ZBTB7C: variants seen among roughly 807,000 people sequenced by gnomAD.
ZBTB7C encodes the protein zinc finger and BTB domain-containing protein 7C.
ZBTB7C carries 8 observed loss-of-function variants against 25.7 expected under a neutral mutation model. That is an observed-to-expected ratio of 0.31 (90% CI 0.18 to 0.56). ZBTB7C has a LOEUF of 0.56. Ranked by LOEUF, ZBTB7C falls within the 20% of genes least tolerant of loss-of-function variation. The probability of loss-of-function intolerance (pLI) is 0.91; values close to 1 mark genes in which losing one functional copy is unlikely to be tolerated. For missense variants in ZBTB7C, 824 were observed against 855.2 expected (o/e 0.96, Z 0.46); for synonymous variants, 394 against 369.0 (o/e 1.07, Z -0.78).
At chr18:48,409,611 C>T (rs1431771843), upstream of ZBTB7C, among the ~76,000 whole-genome samples, 1 of 151,226 alleles carries the variant, frequency 6.6e-6, no homozygotes, top group African/African-American at 2.4e-5. Context: ...GCACTTGCTG[C>T]GCCGCAGCCC....
chr18:48,194,609 C>G (rs1009130177), intron 2 of ZBTB7C, among the ~76,000 whole-genome samples: 1 of 152,056 alleles, frequency 6.6e-6, no homozygotes, highest in Non-Finnish European at 1.5e-5. Flanking sequence ...GGGTGAAGGG[C>G]AGTCTAGACA....
At chr18:48,167,592 G>C (rs933462453) in intron 3 of ZBTB7C, among the ~76,000 whole-genome samples, 2 of 150,846 alleles carry the variant, frequency 1.3e-5, no homozygotes, top group African/African-American at 4.9e-5. Context: ...GTGTGTGTGT[G>C]TGTGTGCGCG....
At chr18:48,174,526 A>G (rs777620782) in intron 3 of ZBTB7C, among the ~76,000 whole-genome samples, 2 of 152,242 alleles carry the variant, frequency 1.3e-5, no homozygotes, top group Non-Finnish European at 2.9e-5. Flanking sequence ...ACAAAACTAC[A>G]TCCTCTTCAA....
At chr18:48,152,460 T>C (rs1040762898) in intron 3 of ZBTB7C, among the ~76,000 whole-genome samples, 2 of 152,198 alleles carry the variant, frequency 1.3e-5, no homozygotes, top group Non-Finnish European at 2.9e-5. Flanking sequence ...AGATAGATGA[T>C]TGATGGACAG....
intron 2 of ZBTB7C, among the ~76,000 whole-genome samples, chr18:48,211,800 C>T (rs979508348): frequency 6.6e-6 from 1 of 152,130 alleles, no homozygotes; most frequent in Non-Finnish European, 1.5e-5. Context: ...TAAAACTTAA[C>T]ATAATCTTAC....
chr18:48,190,239 G>A (rs1032410949), intron 2 of ZBTB7C, among the ~76,000 whole-genome samples: 1 of 152,184 alleles, frequency 6.6e-6, no homozygotes, highest in Non-Finnish European at 1.5e-5. Context: ...AAGACTAAGT[G>A]TGAATCAAGA....
chr18:48,398,386 G>A (rs1483569792), intron 1 of ZBTB7C, among the ~76,000 whole-genome samples: 1 of 152,190 alleles, frequency 6.6e-6, no homozygotes, highest in African/African-American at 2.4e-5. Context: ...GCCCTTTGGA[G>A]GACCCTGCAT....
intron 3 of ZBTB7C, among the ~76,000 whole-genome samples, chr18:48,131,303 C>T (rs1343689998): frequency 6.6e-6 from 1 of 152,218 alleles, no homozygotes; most frequent in Non-Finnish European, 1.5e-5. Context: ...CCATTCATAG[C>T]AGAGCATAGT....
At chr18:48,138,577 C>T (rs565049528) in intron 3 of ZBTB7C, among the ~76,000 whole-genome samples, 1 of 152,116 alleles carries the variant, frequency 6.6e-6, no homozygotes, top group Non-Finnish European at 1.5e-5. Context: ...GAGAGAGAGG[C>T]TGGGCAGCCA....
At chr18:48,053,148 T>C (rs1246073462) in intron 3 of ZBTB7C, among the ~76,000 whole-genome samples, 3 of 152,184 alleles carry the variant, frequency 2.0e-5, no homozygotes, top group Admixed American at 2.0e-4. Context: ...GCTTGATGCG[T>C]CCCTTCCGCC....
At chr18:48,106,741 G>A (rs1028586593) in intron 3 of ZBTB7C, among the ~76,000 whole-genome samples, 2 of 152,042 alleles carry the variant, frequency 1.3e-5, no homozygotes, top group African/African-American at 4.8e-5. Context: ...TGTGAACATG[G>A]GTATTTGGCT....
chr18:48,048,663 G>A (rs1204177166), intron 3 of ZBTB7C, among the ~76,000 whole-genome samples: 1 of 152,168 alleles, frequency 6.6e-6, no homozygotes, highest in East Asian at 1.9e-4. Context: ...AGTCCAGGAA[G>A]GATGCAGACA....
At chr18:48,121,949 A>C (rs2039644138) in intron 3 of ZBTB7C, among the ~76,000 whole-genome samples, 1 of 152,176 alleles carries the variant, frequency 6.6e-6, no homozygotes, top group Non-Finnish European at 1.5e-5. Flanking sequence ...AGGATACAGC[A>C]TTAAGGCCTG....
At chr18:48,036,081 A>T (rs1222412514) in intron 4 of ZBTB7C, among the ~76,000 whole-genome samples, 2 of 152,242 alleles carry the variant, frequency 1.3e-5, no homozygotes, top group East Asian at 3.8e-4. Context: ...GGCCAAAGAA[A>T]TAGTTTGGTT....
intron 3 of ZBTB7C, among the ~76,000 whole-genome samples, chr18:48,092,081 A>C (rs1012349166): frequency 6.6e-6 from 1 of 152,184 alleles, no homozygotes; most frequent in Admixed American, 6.5e-5. Flanking sequence ...ATATTGCAAT[A>C]ATAAGGGCAC....
chr18:48,081,259 C>T (rs1379976281), intron 3 of ZBTB7C, among the ~76,000 whole-genome samples: 1 of 152,064 alleles, frequency 6.6e-6, no homozygotes, highest in Admixed American at 6.5e-5. Flanking sequence ...CTGCAACTGG[C>T]CCCATGACCA....
chr18:48,104,469 G>T (rs1221684826), intron 3 of ZBTB7C, among the ~76,000 whole-genome samples: 1 of 152,136 alleles, frequency 6.6e-6, no homozygotes, highest in Admixed American at 6.5e-5. Flanking sequence ...TTTATAAATT[G>T]TCTAGCTTCA....
chr18:48,199,049 C>T (rs1052970297), intron 2 of ZBTB7C, among the ~76,000 whole-genome samples: 1 of 152,246 alleles, frequency 6.6e-6, no homozygotes, highest in Admixed American at 6.5e-5. Flanking sequence ...GCTGAAGGCA[C>T]TGTCCCAGTA....
chr18:48,287,283 C>A (rs1391787599), intron 2 of ZBTB7C, among the ~76,000 whole-genome samples: 2 of 152,070 alleles, frequency 1.3e-5, no homozygotes, highest in Non-Finnish European at 1.5e-5. Context: ...TTTTTATATG[C>A]TTTATTAACT....
Sources: allele counts gnomAD v4.1 joint callset (sites outside exome capture counted in the v4.1 genomes callset), GRCh38; gene constraint gnomAD v4.1.1; transcripts MANE v1.5; gene names NCBI Gene and HGNC (gene_info 2026-07-23, HGNC 2026-07-21).